The following ARK2C variants were observed in gnomAD, a reference collection of about 807,000 sequenced individuals.
The protein encoded by ARK2C is arkadia (RNF111) C-terminal like ring finger ubiquitin ligase 2C.
At chr18:46,417,178 C>G in the ARK2C span, among the ~76,000 whole-genome samples, 1 of 152,196 alleles carries the variant, frequency 6.6e-6, no homozygotes, top group Non-Finnish European at 1.5e-5. Context: ...TTCACCTTCC[C>G]CCGATTGCCA....
chr18:46,415,907 G>A, the ARK2C span, among the ~76,000 whole-genome samples: 19 of 152,264 alleles, frequency 1.2e-4, no homozygotes, highest in East Asian at 2.7e-3. Flanking sequence ...CAGGTGGGAG[G>A]AGAGGTAAGC....
the ARK2C span, among the ~76,000 whole-genome samples, chr18:46,420,695 A>G: frequency 6.6e-6 from 1 of 152,076 alleles, no homozygotes; most frequent in East Asian, 1.9e-4. Context: ...AAATACAAAA[A>G]TTAGCCAGGT....
the ARK2C span, among the ~76,000 whole-genome samples, chr18:46,399,074 C>T: frequency 2.6e-5 from 4 of 152,128 alleles, no homozygotes; most frequent in African/African-American, 4.8e-5. Flanking sequence ...GAGAAACTGT[C>T]GTTTTTCTAT....
the ARK2C span, among the ~76,000 whole-genome samples, chr18:46,383,011 A>T: frequency 6.6e-6 from 1 of 152,216 alleles, no homozygotes; most frequent in South Asian, 2.1e-4. Flanking sequence ...CTGGAACCTC[A>T]TGCACCCCCT....
At chr18:46,337,554 T>G in the ARK2C span, 1 of 968,528 alleles carries the variant, frequency 1.0e-6, no homozygotes, top group Non-Finnish European at 1.2e-6. Context: ...GGGCCCAGCC[T>G]TTTTTTTTGT....
the ARK2C span, among the ~76,000 whole-genome samples, chr18:46,378,708 G>A: frequency 6.6e-6 from 1 of 152,180 alleles, no homozygotes; most frequent in African/African-American, 2.4e-5. Flanking sequence ...TTCTACTTAA[G>A]GTGTGGTGCT....
the ARK2C span, among the ~76,000 whole-genome samples, chr18:46,355,335 G>A: frequency 3.9e-5 from 6 of 152,090 alleles, no homozygotes; most frequent in Non-Finnish European, 5.9e-5. Flanking sequence ...TGGTCCCGAG[G>A]TCCCTCTGAA....
chr18:46,334,364 T>G, the ARK2C span: 3 of 1,573,084 alleles, frequency 1.9e-6, no homozygotes, highest in Non-Finnish European at 2.6e-6. The surrounding 1 kb of genome is among the most constrained non-coding windows in gnomAD (Gnocchi z 4.4). Flanking sequence ...GGGGTCTGCT[T>G]CGGAGCGTGG....
chr18:46,354,440 A>T, the ARK2C span, among the ~76,000 whole-genome samples: 1 of 152,264 alleles, frequency 6.6e-6, no homozygotes, highest in Admixed American at 6.5e-5. Flanking sequence ...ATTGGAGAAC[A>T]CATGATCAGG....
the ARK2C span, among the ~76,000 whole-genome samples, chr18:46,382,513 G>C: frequency 1.3e-5 from 2 of 152,198 alleles, no homozygotes; most frequent in Non-Finnish European, 2.9e-5. Flanking sequence ...CATTCATCTA[G>C]TGTCAGTCTC....
chr18:46,334,287 C>T, the ARK2C span: 1 of 1,576,820 alleles, frequency 6.3e-7, no homozygotes, highest in Non-Finnish European at 8.6e-7. This position sits in a 1 kb window ranked among gnomAD's most constrained non-coding sequence, Gnocchi z 4.4. Flanking sequence ...GGTCCTGGTC[C>T]ACGTCGGCTA....
the ARK2C span, chr18:46,450,465 C>T: frequency 8.3e-7 from 1 of 1,203,328 alleles, no homozygotes; most frequent in East Asian, 2.3e-5. Flanking sequence ...CATCCCTTTT[C>T]CCTCCCCACC....
At chr18:46,386,623 A>C in the ARK2C span, 1 of 152,148 alleles carries the variant, frequency 6.6e-6, no homozygotes, top group Admixed American at 6.5e-5. Context: ...ATAATTATTA[A>C]GTGCTCATTT....
At chr18:46,408,586 A>G in the ARK2C span, among the ~76,000 whole-genome samples, 1 of 152,238 alleles carries the variant, frequency 6.6e-6, no homozygotes, top group African/African-American at 2.4e-5. Context: ...AGAGCACATC[A>G]TGGGAACTGT....
the ARK2C span, chr18:46,460,098 C>G: frequency 1.3e-5 from 2 of 152,772 alleles, no homozygotes; most frequent in African/African-American, 4.8e-5. Context: ...TGTGGCAGGA[C>G]TCAAGCTCCT....
chr18:46,349,899 T>A, the ARK2C span, among the ~76,000 whole-genome samples: 3 of 152,222 alleles, frequency 2.0e-5, no homozygotes, highest in Non-Finnish European at 4.4e-5. Context: ...ATGGGCCCCA[T>A]GCAATATGCA....
At chr18:46,442,948 A>G in the ARK2C span, among the ~76,000 whole-genome samples, 9 of 152,202 alleles carry the variant, frequency 5.9e-5, no homozygotes, top group African/African-American at 2.2e-4. Context: ...TCTGATGTTA[A>G]CATAGCCATT....
chr18:46,336,383 A>G, the ARK2C span: 2 of 972,016 alleles, frequency 2.1e-6, no homozygotes, highest in Non-Finnish European at 2.4e-6. Flanking sequence ...ACCCCCCCCA[A>G]CAAAAAAAAA....
chr18:46,410,218 G>C, the ARK2C span, among the ~76,000 whole-genome samples: 446 of 152,266 alleles, frequency 2.9e-3, 1 homozygote, highest in Non-Finnish European at 4.4e-3. Context: ...AGCCAAGCTT[G>C]GCTTCTTGCA....
Sources: gnomAD v4.1 joint callset for allele counts (sites outside exome capture counted in the v4.1 genomes callset) on GRCh38, gnomAD v4.1.1 for gene constraint, Gnocchi (gnomAD v3.1) non-coding constraint, MANE v1.5 for transcripts, NCBI Gene and HGNC (gene_info 2026-07-23, HGNC 2026-07-21) for gene names.